Variants in KCNH8 observed in about 807,000 individuals in gnomAD.
KCNH8 encodes the protein potassium voltage-gated channel subfamily H member 8.
KCNH8 carries 70 observed loss-of-function variants against 103.6 expected under a neutral mutation model. The ratio of observed to expected loss-of-function variants is 0.68; its 90% CI spans 0.56 to 0.82. The LOEUF (loss-of-function observed/expected upper bound fraction) is 0.82, where lower values mean the gene tolerates loss of function less well. Among genes scored for constraint, KCNH8 ranks in the 40% least tolerant of loss-of-function variants. The probability of loss-of-function intolerance (pLI) is 0.00; values close to 1 mark genes in which losing one functional copy is unlikely to be tolerated. For missense variants in KCNH8, 1,217 were observed against 1,329.9 expected, an observed-to-expected ratio of 0.92 and a Z score of 1.32; for synonymous variants, 498 against 489.4, an observed-to-expected ratio of 1.02 and a Z score of -0.23.
chr3:19,191,874 TG>T (rs2125210331), intron 1 of KCNH8, among the ~76,000 whole-genome samples: 1 of 151,956 alleles, frequency 6.6e-6, no homozygotes, highest in South Asian at 2.1e-4. Context: ...TATAATTTTT[TG>T]TTTTTTGTTT....
At chr3:19,385,194 G>A (rs1377602452) in intron 5 of KCNH8, among the ~76,000 whole-genome samples, 1 of 152,074 alleles carries the variant, frequency 6.6e-6, no homozygotes, top group Non-Finnish European at 1.5e-5. Flanking sequence ...GAAGTTATGA[G>A]AAAGAAGGCA....
chr3:19,238,760 G>A lies in KCNH8; in HGVS notation c.77-14894G>A, dbSNP rs117057828. On this transcript the variant is annotated intron_variant, in intron 1 of 15. Coordinates refer to ENST00000328405, the MANE Select transcript of KCNH8 (RefSeq NM_144633.3). ...TTTATATCATAAAATACACATTTTG[G>A]GTCTTTTTCCTCAATGAGCTTTTGT... Among the ~76,000 whole-genome samples the A allele has an allele frequency of 1.1e-3, 166 of 152,130 alleles. No individual in the cohort carries two copies. In the East Asian group the frequency reaches 0.028, roughly 25 times the overall value.
intron 11 of KCNH8, among the ~76,000 whole-genome samples, chr3:19,478,763 T>C (rs2068026831): frequency 6.6e-6 from 1 of 152,052 alleles, no homozygotes; most frequent in African/African-American, 2.4e-5. Context: ...TTCTAGCCAC[T>C]AAAATGTAAA....
chr3:19,298,185 A>T (rs2065019449), intron 3 of KCNH8, among the ~76,000 whole-genome samples: 1 of 152,244 alleles, frequency 6.6e-6, no homozygotes, highest in South Asian at 2.1e-4. Context: ...GGTAATGGCT[A>T]CCTAGAATTT....
At chr3:19,508,864 C>T (rs927096903) in intron 11 of KCNH8, among the ~76,000 whole-genome samples, 1 of 152,166 alleles carries the variant, frequency 6.6e-6, no homozygotes, top group Non-Finnish European at 1.5e-5. Flanking sequence ...TAGTGGTAAA[C>T]CACACAACTA....
chr3:19,510,960 T>C (rs1048964346), intron 12 of KCNH8, among the ~76,000 whole-genome samples: 2 of 152,210 alleles, frequency 1.3e-5, no homozygotes, highest in Non-Finnish European at 2.9e-5. Context: ...AAGAATTTAC[T>C]GAAGATGATG....
intron 3 of KCNH8, among the ~76,000 whole-genome samples, chr3:19,316,268 G>C (rs1031385287): frequency 3.2e-4 from 49 of 151,720 alleles, no homozygotes; most frequent in African/African-American, 1.0e-3. Context: ...CAGCATCCCT[G>C]TTCTCCACCC....
intron 10 of KCNH8, 32 bp downstream of exon 10, chr3:19,451,436 T>C: frequency 6.2e-7 from 1 of 1,603,950 alleles, no homozygotes; most frequent in Non-Finnish European, 8.5e-7. Flanking sequence ...TGTATGAAAT[T>C]TGACTCTGGA....
At chr3:19,262,495 T>C (rs1026156991) in intron 2 of KCNH8, among the ~76,000 whole-genome samples, 2 of 151,962 alleles carry the variant, frequency 1.3e-5, no homozygotes, top group African/African-American at 4.8e-5. Context: ...AATTTCAGAG[T>C]ATTCCCAAAA....
chr3:19,514,555 T>C (rs755690026), intron 13 of KCNH8, among the ~76,000 whole-genome samples: 1 of 151,858 alleles, frequency 6.6e-6, no homozygotes, highest in Non-Finnish European at 1.5e-5. Flanking sequence ...ACTATAGTAG[T>C]AGATTACAGG....
At chr3:19,471,341 C>G (rs907610844) in intron 11 of KCNH8, among the ~76,000 whole-genome samples, 3 of 152,262 alleles carry the variant, frequency 2.0e-5, no homozygotes, top group East Asian at 3.9e-4. Context: ...AATCCGCATA[C>G]CTGCTCTACG....
chr3:19,349,203 AT>A (rs1334754257), intron 5 of KCNH8, among the ~76,000 whole-genome samples: 2 of 152,056 alleles, frequency 1.3e-5, no homozygotes, highest in Non-Finnish European at 2.9e-5. Flanking sequence ...GCTATCCTTT[AT>A]TAGAAAGATG....
chr3:19,518,941 A>G (rs1250725155), intron 15 of KCNH8, among the ~76,000 whole-genome samples: 1 of 152,094 alleles, frequency 6.6e-6, no homozygotes, highest in Non-Finnish European at 1.5e-5. Context: ...GAAAAGTGAT[A>G]CAGGAAGTAT....
At chr3:19,331,242 TAA>T (rs2065501783) in intron 3 of KCNH8, among the ~76,000 whole-genome samples, 3 of 143,582 alleles carry the variant, frequency 2.1e-5, no homozygotes, top group Non-Finnish European at 4.5e-5. Context: ...CTTCTTTCTT[TAA>T]TTATTTTTAT....
At chr3:19,363,056 AC>A (rs2065967294) in intron 5 of KCNH8, among the ~76,000 whole-genome samples, 1 of 152,150 alleles carries the variant, frequency 6.6e-6, no homozygotes, top group African/African-American at 2.4e-5. Flanking sequence ...AGAACATTGC[AC>A]AACTCAAAGC....
chr3:19,179,248 A>G (rs962966579), intron 1 of KCNH8, among the ~76,000 whole-genome samples: 4 of 152,070 alleles, frequency 2.6e-5, no homozygotes, highest in African/African-American at 9.7e-5. Flanking sequence ...CTGTGGTGAT[A>G]GTAAAATACC....
rs1309453810 is a variant in KCNH8 at position 19,237,497 on chromosome 3, G to C, written c.77-16157G>C. On this transcript the variant is annotated intron_variant, in intron 1 of 15. Transcript: ENST00000328405. ...ACCCTCTCCTTCACATTAGTACAAG[G>C]AATACATACCTGAGTATTAAAGGGC... is the stretch of plus-strand genomic sequence containing the variant. 2.0e-5 allele frequency among the ~76,000 whole-genome samples: 3 copies of C among 152,198 alleles called. No individual in the cohort carries two copies. The East Asian group carries it at 5.8e-4, about 29-fold the overall frequency.
chr3:19,451,072 A>G (rs2067440397), intron 9 of KCNH8, 83 bp from the exon 10 acceptor site: 2 of 1,333,280 alleles, frequency 1.5e-6, no homozygotes, highest in Non-Finnish European at 2.1e-6. Flanking sequence ...GACAGTAGGA[A>G]GAGCATCCCT....
chr3:19,523,267 C>T (rs2069004955), intron 15 of KCNH8, among the ~76,000 whole-genome samples: 1 of 151,810 alleles, frequency 6.6e-6, no homozygotes, highest in Non-Finnish European at 1.5e-5. Flanking sequence ...CAGAAATGTC[C>T]TTATATGCAC....
Sources: allele counts gnomAD v4.1 joint callset (sites outside exome capture counted in the v4.1 genomes callset), GRCh38; gene constraint gnomAD v4.1.1; transcripts MANE v1.5; gene names NCBI Gene and HGNC (gene_info 2026-07-23, HGNC 2026-07-21).